Variants in PBX1 observed in about 807,000 individuals in gnomAD.
PBX1 encodes the protein PBX homeobox 1.
PBX1 carries 6 observed loss-of-function variants against 53.4 expected under a neutral mutation model. The observed-to-expected ratio is 0.11, with a 90% confidence interval of 0.06 to 0.22. The LOEUF is 0.22. Among genes scored for constraint, PBX1 ranks in the 10% least tolerant of loss-of-function variants. The pLI is 1.00. For synonymous variants in PBX1, 204 were observed against 212.3 expected, an observed-to-expected ratio of 0.96 and a Z score of 0.34; for missense variants, 251 against 551.4, an observed-to-expected ratio of 0.46 and a Z score of 5.46.
At chr1:164,806,532 T>G (rs1443236845) in intron 4 of PBX1, among the ~76,000 whole-genome samples, 1 of 152,208 alleles carries the variant, frequency 6.6e-6, no homozygotes, top group African/African-American at 2.4e-5. Flanking sequence ...ACATGATAAC[T>G]TATTTTTAAC....
intron 2 of PBX1, among the ~76,000 whole-genome samples, chr1:164,627,610 A>G (rs563659748): frequency 5.3e-5 from 8 of 152,314 alleles, no homozygotes; most frequent in Non-Finnish European, 1.0e-4. Context: ...TGGGAAGCCA[A>G]TGTGATGGAG....
chr1:164,567,199 T>C (rs904924838), intron 2 of PBX1, among the ~76,000 whole-genome samples: 2 of 152,164 alleles, frequency 1.3e-5, no homozygotes, highest in Non-Finnish European at 1.5e-5. Context: ...TATGTTTGCA[T>C]ATGTAGGTGG....
intron 2 of PBX1, among the ~76,000 whole-genome samples, chr1:164,630,332 G>A (rs1033660588): frequency 3.9e-5 from 6 of 152,124 alleles, no homozygotes; most frequent in Non-Finnish European, 1.5e-5. Context: ...GGTAAGATGG[G>A]ATTTTAGGAG....
intron 2 of PBX1, chr1:164,642,257 A>G (rs1488292178): frequency 2.6e-5 from 4 of 151,786 alleles, no homozygotes; most frequent in Non-Finnish European, 5.9e-5. Context: ...GGCTTACTCT[A>G]TTTGGTAGAG....
rs201029742 is a variant in PBX1 at position 164,821,586 on chromosome 1, G to T, written c.1160G>T (p.Gly387Val). The T allele has an allele frequency of 6.2e-7, 1 of 1,614,040 alleles. No individual in the cohort carries two copies. Among genetic ancestry groups the T allele is most frequent in the East Asian group, 2.2e-5 (1 of 44,878 alleles). The change falls in exon 8 of 9, where the codon GGA (glycine) becomes GTA (valine). Residue 387 changes from glycine to valine, a missense_variant. Physicochemically the swap from Gly to Val is moderately radical, Grantham distance 109. Around this residue, in one of 4 missense-constraint regions of PBX1, gnomAD observed 92 missense variants for 130.4 expected, o/e 0.71. Transcript: ENST00000420696. Reference protein sequence around the residue: ...VISQTGGYSDGLAASQMYSPQ... With the variant: ...VISQTGGYSDVLAASQMYSPQ... Reference sequence around the variant, plus strand: ...AGCCAGACAGGAGGATACAGTGATGGACTCGCAGCCAGTCAGATGTACAGT... The same window carrying T: ...AGCCAGACAGGAGGATACAGTGATGTACTCGCAGCCAGTCAGATGTACAGT...
intron 2 of PBX1, chr1:164,773,039 T>C (rs1454091413): frequency 2.6e-5 from 4 of 152,174 alleles, no homozygotes; most frequent in Non-Finnish European, 5.9e-5. Flanking sequence ...CTTGGTAGAT[T>C]TTGGTTCCTT....
chr1:164,803,755 A>T (rs1242877397), intron 4 of PBX1, among the ~76,000 whole-genome samples: 2 of 152,210 alleles, frequency 1.3e-5, no homozygotes, highest in African/African-American at 4.8e-5. Context: ...TTATCCTATT[A>T]AACAGCAGAA....
intron 2 of PBX1, among the ~76,000 whole-genome samples, chr1:164,781,921 G>A (rs1667953364): frequency 6.6e-6 from 1 of 152,018 alleles, no homozygotes; most frequent in Admixed American, 6.6e-5. Flanking sequence ...AGATCACTGT[G>A]CAATACTCTA....
intron 6 of PBX1, chr1:164,814,699 C>G (rs1669794722): frequency 6.6e-6 from 1 of 152,656 alleles, no homozygotes; most frequent in Non-Finnish European, 1.5e-5. Flanking sequence ...GAGACCGCAC[C>G]ACTTACTCCA....
chr1:164,760,225 C>T (rs184440349), intron 2 of PBX1, among the ~76,000 whole-genome samples: 103 of 152,240 alleles, frequency 6.8e-4, no homozygotes, highest in Middle Eastern at 3.4e-3. Flanking sequence ...CCTGATTAAC[C>T]GAATCAGAAT....
chr1:164,798,940 C>G (rs1668919599), intron 3 of PBX1, among the ~76,000 whole-genome samples: 1 of 152,096 alleles, frequency 6.6e-6, no homozygotes, highest in Admixed American at 6.5e-5. Context: ...TCCATAATTC[C>G]ATTTAAACTC....
chr1:164,583,098 T>C (rs1654727366), intron 2 of PBX1, among the ~76,000 whole-genome samples: 1 of 152,224 alleles, frequency 6.6e-6, no homozygotes, highest in Admixed American at 6.5e-5. Context: ...TTGAGGAAGG[T>C]ATGATTTACT....
Position 164,792,684 on chromosome 1 carries a change from C to T in PBX1, c.456C>T (p.Ala152=). The change falls in exon 3 of 9, where the codon GCC becomes GCT. Residue 152 remains alanine (A), a synonymous_variant. Coordinates refer to ENST00000420696, the MANE Select transcript of PBX1 (RefSeq NM_002585.4). The part of the protein sequence containing the change: ...DNSVEHSDYR[A]KLSQIRQIYH... ...CAGTGGAGCATTCAGATTACAGAGC[C>T]AAACTCTCACAGATCAGACAAATCT... 1 of 1,613,904 alleles carries T rather than the reference C, an allele frequency of 6.2e-7. No homozygotes were observed. The highest frequency in any genetic ancestry group is 8.5e-7 in the Non-Finnish European group (1 of 1,179,850).
At chr1:164,724,973 C>T (rs1302292204) in intron 2 of PBX1, among the ~76,000 whole-genome samples, 8 of 152,058 alleles carry the variant, frequency 5.3e-5, no homozygotes, top group Non-Finnish European at 1.0e-4. Context: ...GATGCCTATA[C>T]AGGTGGGTCC....
Position 164,577,603 on chromosome 1 carries a change from T to C in PBX1, c.265+14292T>C, listed in dbSNP as rs376306490. On this transcript the variant is annotated intron_variant, in intron 2 of 8. Transcript: ENST00000420696. ...AGATGTTCTTGATGTGTGATTATTA[T>C]TCTTAAGTGTATTCTAGTGCTTGCT... is the stretch of plus-strand genomic sequence containing the variant. Among the ~76,000 whole-genome samples the C allele has an allele frequency of 1.2e-4, 19 of 152,364 alleles. No homozygotes were observed. The East Asian group carries it at 3.7e-3, about 29-fold the overall frequency.
At chr1:164,616,536 A>G (rs1270967915) in intron 2 of PBX1, among the ~76,000 whole-genome samples, 1 of 152,236 alleles carries the variant, frequency 6.6e-6, no homozygotes, top group Non-Finnish European at 1.5e-5. Context: ...ATCATATTTT[A>G]TAGCCATTGA....
chr1:164,591,992 G>A (rs188181108), intron 2 of PBX1, among the ~76,000 whole-genome samples: 1 of 152,254 alleles, frequency 6.6e-6, no homozygotes, highest in Admixed American at 6.5e-5. Context: ...TTGGCAAGTT[G>A]ACAGGTATAA....
At chr1:164,837,179 G>A (rs764202688) in intron 8 of PBX1, among the ~76,000 whole-genome samples, 40 of 152,238 alleles carry the variant, frequency 2.6e-4, no homozygotes, top group Non-Finnish European at 2.1e-4. Flanking sequence ...TGTAGCCACC[G>A]TTCACCGTTA....
chr1:164,686,817 T>G (rs552793552), intron 2 of PBX1, among the ~76,000 whole-genome samples: 2 of 151,250 alleles, frequency 1.3e-5, no homozygotes, highest in Admixed American at 1.3e-4. Flanking sequence ...ATTAGCCGGG[T>G]GTGGTGGCGG....
Sources: allele counts gnomAD v4.1 joint callset (sites outside exome capture counted in the v4.1 genomes callset), GRCh38; gene constraint gnomAD v4.1.1; regional missense constraint gnomAD v4.1.1; transcripts MANE v1.5; gene names NCBI Gene and HGNC (gene_info 2026-07-23, HGNC 2026-07-21).